The following RGS22 variants were observed in gnomAD, a reference collection of about 807,000 sequenced individuals.
RGS22 encodes the protein regulator of G-protein signaling 22.
In RGS22, 148 loss-of-function variants were observed where a neutral mutation model predicts 172.9. The observed-to-expected ratio is 0.86, with a 90% CI of 0.75 to 0.98. RGS22 has a LOEUF of 0.98. Ranked by LOEUF, RGS22 falls within the 50% of genes least tolerant of loss-of-function variation. RGS22 has a pLI of 0.00. For missense variants in RGS22, 1,347 were observed against 1,440.8 expected, an observed-to-expected ratio of 0.93 and a Z score of 1.05; for synonymous variants, 458 against 480.2, an observed-to-expected ratio of 0.95 and a Z score of 0.60.
chr8:100,036,192 A>C (rs529612933), intron 14 of RGS22, among the ~76,000 whole-genome samples: 1 of 151,546 alleles, frequency 6.6e-6, no homozygotes, highest in Admixed American at 6.6e-5. Context: ...CTACAGTAAC[A>C]ATCTGGTCTC....
At chr8:100,061,648 C>T (rs1319111600) in intron 9 of RGS22, among the ~76,000 whole-genome samples, 1 of 152,108 alleles carries the variant, frequency 6.6e-6, no homozygotes, top group Non-Finnish European at 1.5e-5. Flanking sequence ...CAAAAAATAA[C>T]AGATGCTGAT....
Position 100,052,963 on chromosome 8 carries a change from A to C in RGS22, c.1528T>G (p.Cys510Gly). Residue 510 changes from cysteine to glycine, a missense_variant, in exon 10 of 28, where the codon TGT becomes GGT. Transcript: ENST00000360863. ...PLLLYWAPRF[C>G]VTHSASTKYA... is the part of the protein sequence containing the mutation. ...TTTGTTGAGGCTGAATGAGTAACACAGAATCTTGGTGCCCTGTTTATTGGA... is the reference window on the plus strand; with the variant it reads ...TTTGTTGAGGCTGAATGAGTAACACCGAATCTTGGTGCCCTGTTTATTGGA... 6.2e-7 allele frequency: 1 copy of C among 1,613,898 alleles called. No individual in the cohort carries two copies. Among genetic ancestry groups the C allele is most frequent in the Non-Finnish European group, 8.5e-7 (1 of 1,179,902 alleles).
intron 14 of RGS22, among the ~76,000 whole-genome samples, chr8:100,034,994 C>A (rs566312340): frequency 3.5e-4 from 53 of 152,180 alleles, no homozygotes; most frequent in Admixed American, 5.2e-4. Flanking sequence ...GACCTAAAAC[C>A]AGAAAAACCC....
At chr8:100,049,560 G>A (rs921649784) in intron 10 of RGS22, among the ~76,000 whole-genome samples, 2 of 152,136 alleles carry the variant, frequency 1.3e-5, no homozygotes, top group Admixed American at 6.5e-5. Flanking sequence ...CATCAAGCAC[G>A]TCACTTAATT....
chr8:100,042,111 A>G (rs779190944), intron 11 of RGS22, 195 bp from the exon 12 acceptor site: 3 of 451,678 alleles, frequency 6.6e-6, no homozygotes, highest in Non-Finnish European at 1.2e-5. Flanking sequence ...TTATACAGAA[A>G]GACAATTCTC....
intron 2 of RGS22, among the ~76,000 whole-genome samples, chr8:100,095,269 C>T (rs758709806): frequency 6.6e-6 from 1 of 152,074 alleles, no homozygotes; most frequent in African/African-American, 2.4e-5. Flanking sequence ...CTGCAACCTC[C>T]GCCTCCTGGG....
Position 100,049,867 on chromosome 8 carries a change from T to G in RGS22, c.1690-2271A>C, listed in dbSNP as rs12115176. 3.6e-3 allele frequency among the ~76,000 whole-genome samples: 549 copies of G among 151,904 alleles called. 5 individuals carry two copies. Among genetic ancestry groups the G allele is most frequent in the African/African-American group, 0.013 (526 of 41,434 alleles). On this transcript the variant is annotated intron_variant, in intron 10 of 27. Transcript: ENST00000360863. ...TTCGAGACCAGCCTGGCCAACATGG[T>G]GAAATCCCATCTCTACTAAAAATAC...
At chr8:100,049,718 A>T (rs1821082253) in intron 10 of RGS22, among the ~76,000 whole-genome samples, 1 of 152,212 alleles carries the variant, frequency 6.6e-6, no homozygotes, top group Admixed American at 6.5e-5. Context: ...TCCCCAAAGC[A>T]GCAGCAAGAG....
intron 10 of RGS22, among the ~76,000 whole-genome samples, chr8:100,049,355 G>C (rs756826215): frequency 1.3e-5 from 2 of 152,140 alleles, no homozygotes; most frequent in African/African-American, 4.8e-5. Flanking sequence ...ATTCCTTAGA[G>C]TATTTTCTGC....
intron 9 of RGS22, among the ~76,000 whole-genome samples, chr8:100,061,416 G>A (rs1025773119): frequency 1.3e-5 from 2 of 151,952 alleles, no homozygotes; most frequent in African/African-American, 2.4e-5. Flanking sequence ...TGCATCAAAC[G>A]AAGATCTAAT....
intron 23 of RGS22, among the ~76,000 whole-genome samples, chr8:99,967,670 C>A (rs529825977): frequency 6.6e-6 from 1 of 152,306 alleles, no homozygotes; most frequent in Admixed American, 6.5e-5. Flanking sequence ...TGTGGCCAGA[C>A]TGCCTCTCTA....
rs1331840420 is a variant in RGS22, at chr8:100,025,153, A to G, written c.2166+13778T>C. Among the ~76,000 whole-genome samples the G allele has an allele frequency of 2.6e-5, 4 of 152,192 alleles. No individual in the cohort carries two copies. The East Asian group carries it at 7.7e-4, about 29-fold the overall frequency. On this transcript the variant is annotated intron_variant, in intron 14 of 27. Coordinates refer to ENST00000360863, the MANE Select transcript of RGS22 (RefSeq NM_015668.5). ...GTGGGGAAATGAGTGGGTAGCTACA[A>G]GCCAGAAAGCTGGCTGCTGTGCTTG...
At chr8:100,070,086 GA>G (rs1810856596) in intron 6 of RGS22, among the ~76,000 whole-genome samples, 1 of 137,250 alleles carries the variant, frequency 7.3e-6, no homozygotes, top group African/African-American at 2.7e-5. Flanking sequence ...GAAAAATAAC[GA>G]ATCTAAGTGA....
chr8:99,981,853 C>T (rs919212188), intron 22 of RGS22, 84 bp downstream of exon 22: 42 of 1,315,408 alleles, frequency 3.2e-5, no homozygotes, highest in Admixed American at 4.7e-5. Flanking sequence ...TGAGCCACCA[C>T]GCCTGGCCCA....
intron 2 of RGS22, among the ~76,000 whole-genome samples, chr8:100,094,541 T>A (rs959431097): frequency 1.3e-5 from 2 of 152,198 alleles, no homozygotes; most frequent in African/African-American, 4.8e-5. Flanking sequence ...AGAATTTATA[T>A]CAAGAAACTT....
chr8:100,095,856 T>G (rs1812925596), intron 2 of RGS22, among the ~76,000 whole-genome samples: 1 of 152,246 alleles, frequency 6.6e-6, no homozygotes. Flanking sequence ...AATTGTGCCT[T>G]AATTTCTATC....
chr8:100,029,756 T>A (rs910455022), intron 14 of RGS22, among the ~76,000 whole-genome samples: 3 of 146,978 alleles, frequency 2.0e-5, no homozygotes, highest in African/African-American at 7.5e-5. Flanking sequence ...TGTATACCTA[T>A]GTAAAAAACC....
In RGS22 at chr8:100,062,564, G is replaced by A. The variant is rs200984614; in HGVS notation, c.1514+27C>T. 87 of 1,489,502 alleles carry A rather than the reference G, an allele frequency of 5.8e-5. 2 individuals are homozygous for A. In the East Asian group the frequency reaches 9.2e-4, roughly 16 times the overall value. 92.3% of individuals were successfully genotyped at this position (1,489,502 alleles called of 1,614,324 possible). ...CATAACTGGCGTAAGGAAAGTGAAA[G>A]TAAGTAACTGATTCATGTTTTCTTA... On this transcript the variant is annotated intron_variant, in intron 9 of 27. Coordinates refer to ENST00000360863, the MANE Select transcript of RGS22 (RefSeq NM_015668.5).
rs143072080 is a variant in RGS22 at position 100,015,450 on chromosome 8, G to T, written c.2167-6881C>A. 2.0e-5 allele frequency among the ~76,000 whole-genome samples: 3 copies of T among 152,068 alleles called. No homozygotes were observed. The South Asian group carries it at 6.3e-4, about 32-fold the overall frequency. On this transcript the variant is annotated intron_variant, in intron 14 of 27. Transcript: ENST00000360863. The stretch of plus-strand genomic sequence containing the variant: ...TGGGACCACAGGCATTCACCACCAC[G>T]CCAGGCTAATTTTTGTATTTTTCGT...
Sources: gnomAD v4.1 joint callset for allele counts (sites outside exome capture counted in the v4.1 genomes callset) on GRCh38, gnomAD v4.1.1 for gene constraint, MANE v1.5 for transcripts, NCBI Gene and HGNC (gene_info 2026-07-23, HGNC 2026-07-21) for gene names.